ZNF610: variants seen among roughly 807,000 people sequenced by gnomAD.
The protein encoded by ZNF610 is zink finger protein.
In ZNF610, 14 loss-of-function variants were observed where a neutral mutation model predicts 14.1. That is an observed-to-expected ratio of 0.99 (90% CI 0.65 to 1.55). The LOEUF (loss-of-function observed/expected upper bound fraction) is 1.55, where lower values mean the gene tolerates loss of function less well. Ranked by LOEUF, ZNF610 falls within the 40% of genes most tolerant of loss-of-function variation. The pLI is 0.00. For missense variants in ZNF610, 530 were observed against 558.0 expected, an observed-to-expected ratio of 0.95 and a Z score of 0.51; for synonymous variants, 185 against 187.6, an observed-to-expected ratio of 0.99 and a Z score of 0.11.
intron 5 of ZNF610, among the ~76,000 whole-genome samples, chr19:52,355,319 T>C (rs1985472555): frequency 6.6e-6 from 1 of 152,192 alleles, no homozygotes; most frequent in African/African-American, 2.4e-5. Context: ...AATCAGGAAA[T>C]GAGAGAACAT....
intron 1 of ZNF610, among the ~76,000 whole-genome samples, chr19:52,338,127 A>G (rs73934432): frequency 0.016 from 2,378 of 152,332 alleles, 72 homozygotes; most frequent in African/African-American, 0.054. Context: ...CAGATTCTAC[A>G]GGTTGAGAGC....
chr19:52,366,019 G>C lies in ZNF610; in HGVS notation c.641G>C (p.Arg214Thr). ...TGTAGTGAAGATGGTGAAGTTTTTA[G>C]AGTCCGTGCAAGCCTTACTAACCAT... ...YECSEDGEVFRVRASLTNHQV... is the reference protein window; with the variant it reads ...YECSEDGEVFTVRASLTNHQV... The change falls in exon 6 of 6, where the codon AGA (arginine) becomes ACA (threonine). Residue 214 changes from arginine to threonine, a missense_variant. By Grantham distance (71) the Arg-to-Thr change is moderately conservative. Coordinates refer to ENST00000403906, the MANE Select transcript of ZNF610 (RefSeq NM_001161425.2). 3 of 1,614,116 alleles carry C rather than the reference G, an allele frequency of 1.9e-6. No individual in the cohort carries two copies. In the South Asian group the frequency reaches 3.3e-5, roughly 18 times the overall value.
chr19:52,354,695 C>T (rs1985444524), intron 5 of ZNF610, among the ~76,000 whole-genome samples: 1 of 151,064 alleles, frequency 6.6e-6, no homozygotes, highest in African/African-American at 2.4e-5. Context: ...TCTCGTGCCT[C>T]AGCCTCCCCA....
chr19:52,339,540 G>T (rs546221208), intron 1 of ZNF610, among the ~76,000 whole-genome samples: 2 of 146,326 alleles, frequency 1.4e-5, no homozygotes, highest in East Asian at 1.9e-4. Flanking sequence ...ATCCTGCACA[G>T]CCCTAAATCC....
chr19:52,345,164 G>A (rs946731398), intron 1 of ZNF610: 1 of 152,150 alleles, frequency 6.6e-6, no homozygotes, highest in African/African-American at 2.4e-5. Context: ...CAGTATTGGA[G>A]GGATTACTTC....
At chr19:52,362,379 C>T (rs1985826922) in intron 5 of ZNF610, among the ~76,000 whole-genome samples, 1 of 152,198 alleles carries the variant, frequency 6.6e-6, no homozygotes. Flanking sequence ...CCACTGCACT[C>T]CAGCCTGGTG....
At chr19:52,341,671 GGC>G (rs2122180737) in intron 1 of ZNF610, among the ~76,000 whole-genome samples, 1 of 152,198 alleles carries the variant, frequency 6.6e-6, no homozygotes, top group African/African-American at 2.4e-5. Context: ...CTATTGCACA[GGC>G]TGGAGTGCAG....
rs922528478 is a variant in ZNF610, at chr19:52,366,563, T to C, written c.1185T>C (p.Thr395=). ...PGLMAHLLIH[T]GEKPYKCNEC... ...TTATGGCCCATCTTCTAATCCATAC[T>C]GGAGAGAAACCTTACAAATGTAATG... Residue 395 remains threonine, a synonymous_variant, in exon 6 of 6, where the codon ACT becomes ACC. Coordinates refer to ENST00000403906, the MANE Select transcript of ZNF610 (RefSeq NM_001161425.2). The C allele has an allele frequency of 6.2e-7, 1 of 1,614,084 alleles. No homozygotes were observed. The highest frequency in any genetic ancestry group is 1.3e-5 in the African/African-American group (1 of 74,926).
chr19:52,365,916 A>G lies in ZNF610; in HGVS notation c.538A>G (p.Arg180Gly), dbSNP rs1365667270. The change falls in exon 6 of 6, where the codon AGA becomes GGA. Residue 180 changes from arginine (R) to glycine (G), a missense_variant. Coordinates refer to ENST00000403906, the MANE Select transcript of ZNF610 (RefSeq NM_001161425.2). ...CACAACACACATTTTTAATAAATAT[A>G]GAAATGATCTTATTGATTTCCCATT... is the stretch of plus-strand genomic sequence containing the variant. Reference protein sequence around the residue: ...SFTTHIFNKYRNDLIDFPLLP... With the variant: ...SFTTHIFNKYGNDLIDFPLLP... 1.2e-6 allele frequency: 2 copies of G among 1,612,596 alleles called. No individual in the cohort carries two copies. Among genetic ancestry groups the G allele is most frequent in the South Asian group, 1.1e-5 (1 of 90,714 alleles).
chr19:52,359,105 A>C (rs1355653072), intron 5 of ZNF610, among the ~76,000 whole-genome samples: 1 of 152,074 alleles, frequency 6.6e-6, no homozygotes, highest in Non-Finnish European at 1.5e-5. Context: ...TCTTTCTTTC[A>C]AGTTTGTTTT....
chr19:52,364,928 C>G (rs1568655638), intron 5 of ZNF610, among the ~76,000 whole-genome samples: 1 of 151,992 alleles, frequency 6.6e-6, no homozygotes, highest in Non-Finnish European at 1.5e-5. Context: ...TTACTGCCTT[C>G]TAGCCTGCAA....
intron 5 of ZNF610, among the ~76,000 whole-genome samples, chr19:52,362,586 G>A (rs879475120): frequency 3.3e-5 from 5 of 152,050 alleles, no homozygotes; most frequent in Non-Finnish European, 7.4e-5. Flanking sequence ...ACACATTTTT[G>A]TTGCATTTTA....
chr19:52,349,451 C>T (rs570389521), intron 3 of ZNF610, among the ~76,000 whole-genome samples: 11 of 151,846 alleles, frequency 7.2e-5, no homozygotes, highest in African/African-American at 2.2e-4. Flanking sequence ...TGGATGGAGA[C>T]GGGGTGAGGG....
At chr19:52,335,848 AT>A (rs1443625449), upstream of ZNF610, among the ~76,000 whole-genome samples, 1 of 151,822 alleles carries the variant, frequency 6.6e-6, no homozygotes, top group East Asian at 1.9e-4. Context: ...ATTAGTTTTT[AT>A]TTACTTATTT....
intron 1 of ZNF610, among the ~76,000 whole-genome samples, chr19:52,344,818 C>T (rs1168613814): frequency 6.6e-6 from 1 of 152,180 alleles, no homozygotes; most frequent in African/African-American, 2.4e-5. Context: ...GAGGAGTCTC[C>T]ATTGCCCAGG....
chr19:52,351,308 T>C (rs951486520), intron 3 of ZNF610, among the ~76,000 whole-genome samples: 3 of 151,024 alleles, frequency 2.0e-5, no homozygotes, highest in African/African-American at 7.3e-5. Context: ...AATACAAAAT[T>C]AGCCTGGTGT....
chr19:52,349,762 G>A (rs866856523), intron 3 of ZNF610, among the ~76,000 whole-genome samples: 21 of 152,014 alleles, frequency 1.4e-4, no homozygotes, highest in Middle Eastern at 3.4e-3. Flanking sequence ...GTAGAGACGG[G>A]GCTTCACCAT....
chr19:52,360,071 C>T (rs933404788), intron 5 of ZNF610, among the ~76,000 whole-genome samples: 1 of 152,192 alleles, frequency 6.6e-6, no homozygotes, highest in African/African-American at 2.4e-5. Flanking sequence ...ATGTGTTCAG[C>T]CATCTGGAAG....
intron 1 of ZNF610, among the ~76,000 whole-genome samples, chr19:52,342,970 C>T (rs1331782903): frequency 2.6e-5 from 4 of 152,024 alleles, no homozygotes; most frequent in African/African-American, 9.7e-5. Context: ...GCTTCAAACA[C>T]CACCTGCCTG....
Sources: gnomAD v4.1 joint callset for allele counts (sites outside exome capture counted in the v4.1 genomes callset) on GRCh38, gnomAD v4.1.1 for gene constraint, MANE v1.5 for transcripts, NCBI Gene and HGNC (gene_info 2026-07-23, HGNC 2026-07-21) for gene names.